The following HEXIM1 variants were observed in gnomAD, a reference collection of about 807,000 sequenced individuals.
The protein encoded by HEXIM1 is protein HEXIM1.
Under a neutral mutation model 30.3 loss-of-function variants are expected in HEXIM1, and 1 was observed. The observed-to-expected ratio is 0.03, with a 90% CI of 0.01 to 0.16. The LOEUF (loss-of-function observed/expected upper bound fraction) is 0.16, where lower values mean the gene tolerates loss of function less well. Among genes scored for constraint, HEXIM1 ranks in the 10% least tolerant of loss-of-function variants. HEXIM1 has a pLI of 1.00. For synonymous variants in HEXIM1, 245 were observed against 208.3 expected, an observed-to-expected ratio of 1.18 and a Z score of -1.52; for missense variants, 391 against 476.4, an observed-to-expected ratio of 0.82 and a Z score of 1.67.
rs756767765 is a variant in HEXIM1 at position 45,149,524 on chromosome 17, A to G, written c.334A>G (p.Thr112Ala). Residue 112 changes from threonine to alanine, a missense_variant, in exon 1 of 1, where the codon ACG (threonine) becomes GCG (alanine). Coordinates refer to ENST00000332499, the MANE Select transcript of HEXIM1 (RefSeq NM_006460.3). This position sits in a 1 kb window ranked among gnomAD's most constrained non-coding sequence, Gnocchi z 5.3. The part of the protein sequence containing the change: ...DFPPPAEVEP[T>A]PEAELLAQPC... ...CCCGCCGCCGGCAGAAGTGGAACCG[A>G]CGCCCGAGGCCGAGCTGCTCGCCCA... The G allele has an allele frequency of 3.1e-6, 5 of 1,607,118 alleles. No homozygotes were observed. The African/African-American group carries it at 5.3e-5, about 17-fold the overall frequency.
rs982605629 is a variant in HEXIM1 at position 45,148,597 on chromosome 17, T to TGAGCA, written c.-583_-579dup. 4 of 399,042 alleles carry TGAGCA rather than the reference T, an allele frequency of 1.0e-5. No individual in the cohort carries two copies. The highest frequency in any genetic ancestry group is 1.8e-5 in the Non-Finnish European group (4 of 226,318). 24.7% of individuals were successfully genotyped at this position (399,042 alleles called of 1,614,324 possible). ...AAAAGAGGAGGAGGCGGAGGAGAAC[T>TGAGCA]GAGCAGAGCAGAGCATCGAGCCAAA... On this transcript the variant is annotated 5_prime_UTR_variant, in exon 1 of 1. Coordinates refer to ENST00000332499, the MANE Select transcript of HEXIM1 (RefSeq NM_006460.3).
At position 45,149,068 on chromosome 17, in the gene HEXIM1, C is replaced by A. The variant is rs2055525481; in HGVS notation, c.-123C>A. The A allele has an allele frequency of 1.9e-6, 2 of 1,027,768 alleles. No homozygotes were observed. Among genetic ancestry groups the A allele is most frequent in the Non-Finnish European group, 2.8e-6 (2 of 714,158 alleles). 63.7% of individuals were successfully genotyped at this position (1,027,768 alleles called of 1,614,324 possible). ...GCTAAAGGCGTCACTGCAGGAATTACAAACTGAAGAGGACTCTGTTGGACT... is the reference window on the plus strand; with the variant it reads ...GCTAAAGGCGTCACTGCAGGAATTAAAAACTGAAGAGGACTCTGTTGGACT... On this transcript the variant is annotated 5_prime_UTR_variant, in exon 1 of 1. Transcript: ENST00000332499. This position sits in a 1 kb window ranked among gnomAD's most constrained non-coding sequence, Gnocchi z 5.3.
In HEXIM1 at chr17:45,148,599, A is replaced by G; in HGVS notation, c.-592A>G. ...AAGAGGAGGAGGCGGAGGAGAACTG[A>G]GCAGAGCAGAGCATCGAGCCAAAGG... On this transcript the variant is annotated 5_prime_UTR_variant, in exon 1 of 1. Coordinates refer to ENST00000332499, the MANE Select transcript of HEXIM1 (RefSeq NM_006460.3). The G allele has an allele frequency of 2.5e-6, 1 of 399,348 alleles. No homozygotes were observed. The allele number at this position is 399,348 out of a possible 1,614,324, so 24.7% of individuals were successfully genotyped here.
In HEXIM1 at chr17:45,150,916, G is replaced by A. The variant is rs1257343061; in HGVS notation, c.*646G>A. ...TTCTAGTGCCTTGGTTTTCTTTCTT[G>A]ATGCTGGAAAAATAAACAAACCGGT... On this transcript the variant is annotated 3_prime_UTR_variant, in exon 1 of 1. Coordinates refer to ENST00000332499, the MANE Select transcript of HEXIM1 (RefSeq NM_006460.3). 1.2e-5 allele frequency: 2 copies of A among 166,994 alleles called. No individual in the cohort carries two copies. The highest frequency in any genetic ancestry group is 1.3e-4 in the Admixed American group (2 of 15,270). 10.3% of individuals were successfully genotyped at this position (166,994 alleles called of 1,614,324 possible). A position where few individuals can be genotyped will look rare whatever the true frequency, so the allele number is the denominator to read the frequency against.
rs1353968495 is a variant in HEXIM1 at position 45,151,265 on chromosome 17, T to C, written c.*995T>C. 3 of 166,792 alleles carry C rather than the reference T, an allele frequency of 1.8e-5. No homozygotes were observed. Among genetic ancestry groups the C allele is most frequent in the African/African-American group, 7.3e-5 (3 of 41,342 alleles). 10.3% of individuals were successfully genotyped at this position (166,792 alleles called of 1,614,324 possible). ...ATGGCTGTTTGGGGGATTCCAAGGA[T>C]TTACCTAATTGTCCAATTCTACGTG... On this transcript the variant is annotated 3_prime_UTR_variant, in exon 1 of 1. Coordinates refer to ENST00000332499, the MANE Select transcript of HEXIM1 (RefSeq NM_006460.3).
rs1334912340 is a variant in HEXIM1, at chr17:45,150,214, G to A, written c.1024G>A (p.Glu342Lys). 1.9e-6 allele frequency: 3 copies of A among 1,612,306 alleles called. No homozygotes were observed. In the African/African-American group the frequency reaches 4.0e-5, roughly 22 times the overall value. Residue 342 changes from glutamate (E) to lysine (K), a missense_variant, in exon 1 of 1, where the codon GAG (glutamate) becomes AAG (lysine). Coordinates refer to ENST00000332499, the MANE Select transcript of HEXIM1 (RefSeq NM_006460.3). ...LRAENLQLLT[E>K]NELHRQQERA... The stretch of plus-strand genomic sequence containing the variant: ...CGCCGAGAACCTCCAGCTGCTGACC[G>A]AGAACGAACTGCACCGGCAGCAGGA...
chr17:45,151,259 C>T lies in HEXIM1; in HGVS notation c.*989C>T, dbSNP rs2055546052. 6.0e-6 allele frequency: 1 copy of T among 166,452 alleles called. No homozygotes were observed. The highest frequency in any genetic ancestry group is 1.5e-5 in the Non-Finnish European group (1 of 68,008). The allele number at this position is 166,452 out of a possible 1,614,324, so 10.3% of individuals were successfully genotyped here. ...AAGCAAATGGCTGTTTGGGGGATTC[C>T]AAGGATTTACCTAATTGTCCAATTC... On this transcript the variant is annotated 3_prime_UTR_variant, in exon 1 of 1. Transcript: ENST00000332499.
chr17:45,150,229 C>T lies in HEXIM1; in HGVS notation c.1039C>T (p.Arg347Trp), dbSNP rs368302641. 6.2e-7 allele frequency: 1 copy of T among 1,610,374 alleles called. No homozygotes were observed. Among genetic ancestry groups the T allele is most frequent in the African/African-American group, 1.3e-5 (1 of 74,836 alleles). The change falls in exon 1 of 1, where the codon CGG becomes TGG. Residue 347 changes from arginine (R) to tryptophan (W), a missense_variant. Coordinates refer to ENST00000332499, the MANE Select transcript of HEXIM1 (RefSeq NM_006460.3). Reference sequence around the variant, plus strand: ...GCTGCTGACCGAGAACGAACTGCACCGGCAGCAGGAGCGAGCGCCGCTTTC... The same window carrying T: ...GCTGCTGACCGAGAACGAACTGCACTGGCAGCAGGAGCGAGCGCCGCTTTC... ...LQLLTENELH[R>W]QQERAPLSKF...
chr17:45,148,920 A>G lies in HEXIM1; in HGVS notation c.-271A>G, dbSNP rs2055523998. Reference sequence around the variant, plus strand: ...GGAGGTTTGAGGCCCACCTCCGCCCATTACGTACTGTTCCTGCCGCTGCAC... The same window carrying G: ...GGAGGTTTGAGGCCCACCTCCGCCCGTTACGTACTGTTCCTGCCGCTGCAC... On this transcript the variant is annotated 5_prime_UTR_variant, in exon 1 of 1. Coordinates refer to ENST00000332499, the MANE Select transcript of HEXIM1 (RefSeq NM_006460.3). The G allele has an allele frequency of 2.1e-6, 1 of 471,742 alleles. No homozygotes were observed. The highest frequency in any genetic ancestry group is 3.8e-5 in the Admixed American group (1 of 26,664). 29.2% of individuals were successfully genotyped at this position (471,742 alleles called of 1,614,324 possible). A position where few individuals can be genotyped will look rare whatever the true frequency, so the allele number is the denominator to read the frequency against.
In HEXIM1 at chr17:45,150,199, C is replaced by T. The variant is rs773251342; in HGVS notation, c.1009C>T (p.Leu337Phe). 1.2e-6 allele frequency: 2 copies of T among 1,612,850 alleles called. No homozygotes were observed. Among genetic ancestry groups the T allele is most frequent in the Non-Finnish European group, 1.7e-6 (2 of 1,179,702 alleles). ...LELDRLRAEN[L>F]QLLTENELHR... ...GCTGGACCGGCTGCGCGCCGAGAAC[C>T]TCCAGCTGCTGACCGAGAACGAACT... Residue 337 changes from leucine (L) to phenylalanine (F), a missense_variant, in exon 1 of 1, where the codon CTC becomes TTC. Physicochemically the swap from Leu to Phe is conservative, Grantham distance 22. Transcript: ENST00000332499.
Position 45,149,648 on chromosome 17 carries a change from A to G in HEXIM1, c.458A>G (p.His153Arg), listed in dbSNP as rs1567917922. 5 of 1,612,880 alleles carry G rather than the reference A, an allele frequency of 3.1e-6. No individual in the cohort carries two copies. The highest frequency in any genetic ancestry group is 4.2e-6 in the Non-Finnish European group (5 of 1,179,958). The change falls in exon 1 of 1, where the codon CAT becomes CGT. Residue 153 changes from histidine to arginine, a missense_variant. Around this residue, in one of 5 missense-constraint regions of HEXIM1, gnomAD observed 230 missense variants for 199.4 expected, o/e 1.15. Coordinates refer to ENST00000332499, the MANE Select transcript of HEXIM1 (RefSeq NM_006460.3). The surrounding 1 kb of genome is among the most constrained non-coding windows in gnomAD (Gnocchi z 5.3). The stretch of plus-strand genomic sequence containing the variant: ...CAGAGACAGCTGGGGAAGAAAAAAC[A>G]TAGGAGACGCCCGTCCAAGAAGAAG... ...QQQRQLGKKK[H>R]RRRPSKKKRH...
chr17:45,149,869 A>C lies in HEXIM1; in HGVS notation c.679A>C (p.Lys227Gln). The change falls in exon 1 of 1, where the codon AAG becomes CAG. Residue 227 changes from lysine (K) to glutamine (Q), a missense_variant. Physicochemically the swap from Lys to Gln is moderately conservative, Grantham distance 53. Coordinates refer to ENST00000332499, the MANE Select transcript of HEXIM1 (RefSeq NM_006460.3). The surrounding 1 kb of genome is among the most constrained non-coding windows in gnomAD (Gnocchi z 5.3). ...EPDLKTGLYS[K>Q]RAAAKSDDTS... Reference sequence around the variant, plus strand: ...GGATCTCAAAACCGGCCTGTACTCCAAGCGGGCCGCCGCCAAATCCGACGA... The same window carrying C: ...GGATCTCAAAACCGGCCTGTACTCCCAGCGGGCCGCCGCCAAATCCGACGA... The C allele has an allele frequency of 2.5e-6, 4 of 1,613,654 alleles. No individual in the cohort carries two copies. Among genetic ancestry groups the C allele is most frequent in the Non-Finnish European group, 3.4e-6 (4 of 1,179,994 alleles).
Position 45,149,697 on chromosome 17 carries a change from G to A in HEXIM1, c.507G>A (p.Lys169=), listed in dbSNP as rs1257695314. Residue 169 remains lysine (K), a synonymous_variant, in exon 1 of 1, where the codon AAG becomes AAA. Transcript: ENST00000332499. This position sits in a 1 kb window ranked among gnomAD's most constrained non-coding sequence, Gnocchi z 5.3. ...AGCGGCATTGGAAACCGTACTACAA[G>A]CTGACCTGGGAAGAGAAGAAAAAGT... ...KKKRHWKPYY[K]LTWEEKKKFD... The A allele has an allele frequency of 6.2e-7, 1 of 1,612,714 alleles. No homozygotes were observed. The highest frequency in any genetic ancestry group is 1.7e-5 in the Admixed American group (1 of 60,010).
Position 45,148,501 on chromosome 17 carries a change from G to C in HEXIM1, c.-690G>C. ...GCAGTTGGAAGTTGGCAGGTGGAGAGGCAGGTTGGGAGGGAAAGTCGGGGG... is the reference window on the plus strand; with the variant it reads ...GCAGTTGGAAGTTGGCAGGTGGAGACGCAGGTTGGGAGGGAAAGTCGGGGG... On this transcript the variant is annotated 5_prime_UTR_variant, in exon 1 of 1. Coordinates refer to ENST00000332499, the MANE Select transcript of HEXIM1 (RefSeq NM_006460.3). 5.0e-6 allele frequency: 2 copies of C among 399,182 alleles called. No homozygotes were observed. Among genetic ancestry groups the C allele is most frequent in the Non-Finnish European group, 8.8e-6 (2 of 226,408 alleles). The allele number at this position is 399,182 out of a possible 1,614,324, so 24.7% of individuals were successfully genotyped here. A position where few individuals can be genotyped will look rare whatever the true frequency, so the allele number is the denominator to read the frequency against.
rs1246795498 is a variant in HEXIM1, at chr17:45,151,694, A to G, written c.*1424A>G. The G allele has an allele frequency of 6.0e-6, 1 of 167,028 alleles. No individual in the cohort carries two copies. The highest frequency in any genetic ancestry group is 2.4e-5 in the African/African-American group (1 of 41,432). The allele number at this position is 167,028 out of a possible 1,614,324, so 10.3% of individuals were successfully genotyped here. A position where few individuals can be genotyped will look rare whatever the true frequency, so the allele number is the denominator to read the frequency against. On this transcript the variant is annotated 3_prime_UTR_variant, in exon 1 of 1. Transcript: ENST00000332499. ...GGTTCCTTAATTTGGGGCCTTAGAA[A>G]CCATTGTGGGCCTTGGGGTCCATGA...
In HEXIM1 at chr17:45,149,296, G is replaced by A; in HGVS notation, c.106G>A (p.Ala36Thr). The A allele has an allele frequency of 6.2e-7, 1 of 1,613,662 alleles. No individual in the cohort carries two copies. Among genetic ancestry groups the A allele is most frequent in the Non-Finnish European group, 8.5e-7 (1 of 1,179,982 alleles). Residue 36 changes from alanine (A) to threonine (T), a missense_variant, in exon 1 of 1, where the codon GCG becomes ACG. Transcript: ENST00000332499. This position sits in a 1 kb window ranked among gnomAD's most constrained non-coding sequence, Gnocchi z 5.3. Reference sequence around the variant, plus strand: ...GCTGAACCCTGAGCGCCCCCCAGGCGCGGAGGAGCGGGTGCCCGAGGAGGA... The same window carrying A: ...GCTGAACCCTGAGCGCCCCCCAGGCACGGAGGAGCGGGTGCCCGAGGAGGA... ...EELNPERPPGAEERVPEEDSR... is the reference protein window; with the variant it reads ...EELNPERPPGTEERVPEEDSR...
At position 45,149,850 on chromosome 17, in the gene HEXIM1, C is replaced by A. The variant is rs369159677; in HGVS notation, c.660C>A (p.Leu220=). The change falls in exon 1 of 1, where the codon CTC becomes CTA. Residue 220 remains leucine, a synonymous_variant. Transcript: ENST00000332499. The surrounding 1 kb of genome is among the most constrained non-coding windows in gnomAD (Gnocchi z 5.3). ...MDDHDQEEPD[L]KTGLYSKRAA... is the part of the protein sequence containing the mutation. ...ATCACGACCAGGAGGAGCCGGATCT[C>A]AAAACCGGCCTGTACTCCAAGCGGG... is the stretch of plus-strand genomic sequence containing the variant. 6.2e-7 allele frequency: 1 copy of A among 1,613,614 alleles called. No individual in the cohort carries two copies. The highest frequency in any genetic ancestry group is 1.1e-5 in the South Asian group (1 of 91,072).
rs1194823036 is a variant in HEXIM1 at position 45,149,146 on chromosome 17, GACTT to G, written c.-41_-38del. 7.2e-6 allele frequency: 11 copies of G among 1,519,118 alleles called. No individual in the cohort carries two copies. Among genetic ancestry groups the G allele is most frequent in the African/African-American group, 1.4e-5 (1 of 70,358 alleles). 94.1% of individuals were successfully genotyped at this position (1,519,118 alleles called of 1,614,324 possible). A position where few individuals can be genotyped will look rare whatever the true frequency, so the allele number is the denominator to read the frequency against. ...AGAAAAACCCATTTTTTTCCTTAAG[GACTT>G]ACTAGCCAAAATTTCTTAAACTTCG... On this transcript the variant is annotated 5_prime_UTR_variant, in exon 1 of 1. Transcript: ENST00000332499. The surrounding 1 kb of genome is among the most constrained non-coding windows in gnomAD (Gnocchi z 5.3).
chr17:45,149,506 C>G lies in HEXIM1; in HGVS notation c.316C>G (p.Pro106Ala). ...GTCCGCTGGCGGCGACTTCCCGCCG[C>G]CGGCAGAAGTGGAACCGACGCCCGA... ...DSSAGGDFPP[P>A]AEVEPTPEAE... is the part of the protein sequence containing the mutation. The change falls in exon 1 of 1, where the codon CCG (proline) becomes GCG (alanine). Residue 106 changes from proline (P) to alanine (A), a missense_variant. By Grantham distance (27) the Pro-to-Ala change is conservative. Coordinates refer to ENST00000332499, the MANE Select transcript of HEXIM1 (RefSeq NM_006460.3). The surrounding 1 kb of genome is among the most constrained non-coding windows in gnomAD (Gnocchi z 5.3). 6.2e-7 allele frequency: 1 copy of G among 1,609,352 alleles called. No homozygotes were observed. Among genetic ancestry groups the G allele is most frequent in the Non-Finnish European group, 8.5e-7 (1 of 1,178,474 alleles).
Sources: allele counts gnomAD v4.1 joint callset, GRCh38; gene constraint gnomAD v4.1.1; regional missense constraint gnomAD v4.1.1; non-coding constraint Gnocchi (gnomAD v3.1); transcripts MANE v1.5; gene names NCBI Gene and HGNC (gene_info 2026-07-23, HGNC 2026-07-21).